The following TTC39C variants were observed in gnomAD, a reference collection of about 807,000 sequenced individuals.
TTC39C encodes the protein tetratricopeptide repeat protein 39C.
In TTC39C, 33 loss-of-function variants were observed where a neutral mutation model predicts 76.3. That is an observed-to-expected ratio of 0.43 (90% confidence interval 0.33 to 0.58). The LOEUF is 0.58. Among genes scored for constraint, TTC39C ranks in the 20% least tolerant of loss-of-function variants. The probability of loss-of-function intolerance (pLI) is 0.04; values close to 1 mark genes in which losing one functional copy is unlikely to be tolerated. For synonymous variants in TTC39C, 254 were observed against 260.6 expected, an observed-to-expected ratio of 0.97 and a Z score of 0.24; for missense variants, 595 against 701.4, an observed-to-expected ratio of 0.85 and a Z score of 1.71.
At chr18:24,107,359 A>C (rs1265078915) in intron 6 of TTC39C, among the ~76,000 whole-genome samples, 1 of 152,044 alleles carries the variant, frequency 6.6e-6, no homozygotes, top group Non-Finnish European at 1.5e-5. Context: ...TTCTAAATAC[A>C]GCTCATGAAT....
chr18:23,998,017 G>A (rs2083283287), intron 1 of TTC39C, among the ~76,000 whole-genome samples: 2 of 152,230 alleles, frequency 1.3e-5, no homozygotes, highest in Non-Finnish European at 1.5e-5. Context: ...ATACTGCCAA[G>A]CTGTTCTTGA....
chr18:24,127,601 C>T lies in TTC39C; in HGVS notation c.1421-1285C>T, dbSNP rs115247263. Among the ~76,000 whole-genome samples the T allele has an allele frequency of 5.1e-3, 777 of 152,274 alleles. 7 individuals are homozygous for T. The highest frequency in any genetic ancestry group is 0.018 in the African/African-American group (745 of 41,558). On this transcript the variant is annotated intron_variant, in intron 10 of 13. Transcript: ENST00000317571. The stretch of plus-strand genomic sequence containing the variant: ...GCACAATCATGGCTCACTGCAACCT[C>T]TGCCTCCCTGGCTCAAGCGATCCTC...
At chr18:24,053,072 A>T (rs929059449) in intron 1 of TTC39C, among the ~76,000 whole-genome samples, 1 of 152,240 alleles carries the variant, frequency 6.6e-6, no homozygotes, top group African/African-American at 2.4e-5. Flanking sequence ...TCTGTAATAT[A>T]TAAAGGAAGC....
At position 24,007,141 on chromosome 18, in the gene TTC39C, C is replaced by A. The variant is rs570651811; in HGVS notation, c.-17+14103C>A. ...TTGAGACACACGGATTGCTAAGTAA[C>A]CCCAGAGCAAAACATAAGTGACTTA... is the stretch of plus-strand genomic sequence containing the variant. On this transcript the variant is annotated intron_variant, in intron 1 of 13. Transcript: ENST00000304621. Among the ~76,000 whole-genome samples, 5 of 152,230 alleles carry A rather than the reference C, an allele frequency of 3.3e-5. No homozygotes were observed. In the South Asian group the frequency reaches 8.3e-4, roughly 25 times the overall value.
rs185669493 is a variant in TTC39C, at chr18:24,118,585, A to G, written c.1186+353A>G. ...CAACCTGTCTCTATCCCTTTACTTA[A>G]TATGCTATGTTTTTTATTGGGATTC... is the stretch of plus-strand genomic sequence containing the variant. On this transcript the variant is annotated intron_variant, in intron 8 of 13. Coordinates refer to ENST00000317571, the MANE Select transcript of TTC39C (RefSeq NM_001135993.2). 1.3e-4 allele frequency among the ~76,000 whole-genome samples: 19 copies of G among 151,876 alleles called. No homozygotes were observed. In the South Asian group the frequency reaches 3.1e-3, roughly 25 times the overall value.
intron 2 of TTC39C, among the ~76,000 whole-genome samples, chr18:24,064,753 T>G (rs967923521): frequency 6.6e-6 from 1 of 151,876 alleles, no homozygotes; most frequent in African/African-American, 2.4e-5. Context: ...TAATGAATTG[T>G]GTAACAGCAA....
chr18:24,026,755 A>G (rs2083604617), intron 1 of TTC39C, among the ~76,000 whole-genome samples: 1 of 152,136 alleles, frequency 6.6e-6, no homozygotes. Flanking sequence ...CCTTCTTAGC[A>G]CACAGATTAT....
chr18:24,118,616 A>G (rs1396849332), intron 8 of TTC39C, among the ~76,000 whole-genome samples: 1 of 151,712 alleles, frequency 6.6e-6, no homozygotes, highest in African/African-American at 2.4e-5. Flanking sequence ...GATTCTGAAG[A>G]ATTTTTAAGA....
At chr18:24,072,821 C>A (rs935281436) in intron 4 of TTC39C, among the ~76,000 whole-genome samples, 2 of 152,106 alleles carry the variant, frequency 1.3e-5, no homozygotes, top group African/African-American at 4.8e-5. Context: ...TCCTTTATTT[C>A]CTTTTGGATT....
chr18:24,066,036 G>A lies in TTC39C; in HGVS notation c.241G>A (p.Glu81Lys), dbSNP rs750831590. 1.9e-6 allele frequency: 3 copies of A among 1,596,246 alleles called. No homozygotes were observed. The highest frequency in any genetic ancestry group is 8.5e-7 in the Non-Finnish European group (1 of 1,174,110). The change falls in exon 3 of 14, where the codon GAA (glutamate) becomes AAA (lysine). Residue 81 changes from glutamate to lysine, a missense_variant. Coordinates refer to ENST00000317571, the MANE Select transcript of TTC39C (RefSeq NM_001135993.2). The stretch of plus-strand genomic sequence containing the variant: ...GAATGCCATGATGACATTTGAGGAA[G>A]AAAAAATGCAGTTGGCATGTGATGA... The part of the protein sequence containing the change: ...FLNAMMTFEE[E>K]KMQLACDDLK...
chr18:24,070,857 G>GAA (rs112076146), intron 4 of TTC39C, among the ~76,000 whole-genome samples: 3 of 152,128 alleles, frequency 2.0e-5, no homozygotes, highest in African/African-American at 7.2e-5. Context: ...GAAAAGAAAA[G>GAA]AAAATACCTG....
At chr18:24,074,920 G>C (rs1301934322) in intron 4 of TTC39C, among the ~76,000 whole-genome samples, 1 of 152,140 alleles carries the variant, frequency 6.6e-6, no homozygotes, top group African/African-American at 2.4e-5. Flanking sequence ...ATCAATGATA[G>C]ACTGGATAAA....
Position 24,084,438 on chromosome 18 carries a change from T to C in TTC39C, c.984+1357T>C, listed in dbSNP as rs1599309769. ...AGGCAGAGGTTGTAGTGAGCCGAGA[T>C]TGCGCCACTGCACTCCAGCCTGGGT... On this transcript the variant is annotated intron_variant, in intron 6 of 13. Transcript: ENST00000317571. Among the ~76,000 whole-genome samples, 3 of 152,058 alleles carry C rather than the reference T, an allele frequency of 2.0e-5. No homozygotes were observed. In the South Asian group the frequency reaches 6.2e-4, roughly 32 times the overall value.
In TTC39C at chr18:24,134,760, T is replaced by C. The variant is rs940209775; in HGVS notation, c.*2186T>C. 1 of 152,012 alleles carries C rather than the reference T, an allele frequency of 6.6e-6. No homozygotes were observed. Among genetic ancestry groups the C allele is most frequent in the Non-Finnish European group, 1.5e-5 (1 of 67,988 alleles). The allele number at this position is 152,012 out of a possible 1,614,324, so 9.4% of individuals were successfully genotyped here. On this transcript the variant is annotated 3_prime_UTR_variant, in exon 14 of 14. Coordinates refer to ENST00000317571, the MANE Select transcript of TTC39C (RefSeq NM_001135993.2). Reference sequence around the variant, plus strand: ...ATTCTTGAATTTTCAGTTCAAAATATTGTTTGAACTATTATTCCACATTCA... The same window carrying C: ...ATTCTTGAATTTTCAGTTCAAAATACTGTTTGAACTATTATTCCACATTCA...
upstream of TTC39C, among the ~76,000 whole-genome samples, chr18:24,014,075 A>G (rs1044559740): frequency 6.6e-6 from 1 of 152,220 alleles, no homozygotes; most frequent in Admixed American, 6.5e-5. Flanking sequence ...TCTGCCTTGC[A>G]GTCCCGCAGC....
chr18:24,118,918 A>G (rs2084931039), intron 8 of TTC39C, among the ~76,000 whole-genome samples: 1 of 152,130 alleles, frequency 6.6e-6, no homozygotes, highest in Non-Finnish European at 1.5e-5. Flanking sequence ...AGCCTCCCAA[A>G]GCACTGGGAT....
In TTC39C at chr18:24,121,743, A is replaced by T. The variant is rs1298774666; in HGVS notation, c.1187-2091A>T. Among the ~76,000 whole-genome samples, 4 of 152,306 alleles carry T rather than the reference A, an allele frequency of 2.6e-5. 1 individual carries two copies. In the South Asian group the frequency reaches 8.3e-4, roughly 32 times the overall value. On this transcript the variant is annotated intron_variant, in intron 8 of 13. Transcript: ENST00000317571. ...GTATAAGAATGTTCTCAATGATCTG[A>T]GGAAGACCTCAAGCTAGGGACAGCA...
chr18:24,120,101 G>T (rs750626498), intron 8 of TTC39C, among the ~76,000 whole-genome samples: 1 of 152,146 alleles, frequency 6.6e-6, no homozygotes, highest in Non-Finnish European at 1.5e-5. Flanking sequence ...AGTACAAAGA[G>T]TACATGAGGC....
At chr18:24,066,436 A>G (rs2084167223) in intron 3 of TTC39C, among the ~76,000 whole-genome samples, 1 of 152,194 alleles carries the variant, frequency 6.6e-6, no homozygotes, top group Admixed American at 6.5e-5. Context: ...ATGTAATTCA[A>G]ATAGGATACG....
Sources: gnomAD v4.1 joint callset for allele counts (sites outside exome capture counted in the v4.1 genomes callset) on GRCh38, gnomAD v4.1.1 for gene constraint, MANE v1.5 for transcripts, NCBI Gene and HGNC (gene_info 2026-07-23, HGNC 2026-07-21) for gene names.